ACOT6: variants seen among roughly 807,000 people sequenced by gnomAD.
ACOT6 encodes the protein acyl-CoA thioesterase 6, also known as acyl-coenzyme A thioesterase 6.
A neutral mutation model predicts 12.3 loss-of-function variants in ACOT6; 14 were observed. The observed-to-expected ratio is 1.14, with a 90% CI of 0.75 to 1.78. ACOT6 has a LOEUF of 1.78. ACOT6 is among the 40% of genes most tolerant of loss of function. The probability of loss-of-function intolerance (pLI) is 0.00; values close to 1 mark genes in which losing one functional copy is unlikely to be tolerated. For synonymous variants in ACOT6, 218 were observed against 231.3 expected, an observed-to-expected ratio of 0.94 and a Z score of 0.52; for missense variants, 523 against 551.8, an observed-to-expected ratio of 0.95 and a Z score of 0.52.
chr14:73,612,719 G>A lies in ACOT6; in HGVS notation c.148G>A (p.Ala50Thr). 1 of 1,382,952 alleles carries A rather than the reference G, an allele frequency of 7.2e-7. No individual in the cohort carries two copies. The allele number at this position is 1,382,952 out of a possible 1,614,324, so 85.7% of individuals were successfully genotyped here. The part of the protein sequence containing the change: ...DEEGALFRAH[A>T]RYRADARDEL... ...AGAGGGCGCGCTCTTCCGGGCCCAC[G>A]CGCGCTACCGTGCCGACGCCCGCGA... The change falls in exon 1 of 3, where the codon GCG becomes ACG. Residue 50 changes from alanine (A) to threonine (T), a missense_variant. This residue lies in a region of ACOT6 where 304 missense variants were observed against 274.8 expected (regional missense o/e 1.11). Transcript: ENST00000645972.
chr14:73,612,918 C>A lies in ACOT6; in HGVS notation c.347C>A (p.Pro116His). The A allele has an allele frequency of 7.4e-7, 1 of 1,354,086 alleles. No homozygotes were observed. The highest frequency in any genetic ancestry group is 1.5e-5 in the African/African-American group (1 of 65,746). 83.9% of individuals were successfully genotyped at this position (1,354,086 alleles called of 1,614,324 possible). Residue 116 changes from proline (P) to histidine (H), a missense_variant, in exon 1 of 3, where the codon CCC becomes CAC. Pro to His is a moderately conservative substitution (Grantham distance 77, BLOSUM62 -2). This residue lies in a region of ACOT6 where 304 missense variants were observed against 274.8 expected (regional missense o/e 1.11). Transcript: ENST00000645972. ...GTGCTGGACGGCCACGACACCGAGC[C>A]CGGGCGGCTGCTGTGCCTGGCGCAG... ...LEVLDGHDTE[P>H]GRLLCLAQNK... is the part of the protein sequence containing the mutation.
chr14:73,619,730 G>A lies in ACOT6; in HGVS notation c.1157G>A (p.Gly386Asp), dbSNP rs749929412. Residue 386 changes from glycine to aspartate, a missense_variant, in exon 3 of 3, where the codon GGT becomes GAT. This residue lies in a region of ACOT6 where 219 missense variants were observed against 277.0 expected (regional missense o/e 0.79). Transcript: ENST00000645972. ...TTGGGTGAGGCAATATTCTATGGAG[G>A]TGAGCCAAAGGCTCACTCAAAGGCA... is the stretch of plus-strand genomic sequence containing the variant. ...AVLGEAIFYGGEPKAHSKAQV... is the reference protein window; with the variant it reads ...AVLGEAIFYGDEPKAHSKAQV... 6.2e-7 allele frequency: 1 copy of A among 1,614,098 alleles called. No homozygotes were observed. The highest frequency in any genetic ancestry group is 1.7e-5 in the Admixed American group (1 of 60,016).
intron 1 of ACOT6, among the ~76,000 whole-genome samples, chr14:73,614,419 G>C (rs1417143433): frequency 1.3e-5 from 2 of 152,018 alleles, no homozygotes; most frequent in African/African-American, 2.4e-5. Context: ...AGAGGCTTTC[G>C]CAAGGATATA....
At chr14:73,618,297 C>T (rs1255293005) in intron 2 of ACOT6, among the ~76,000 whole-genome samples, 5 of 152,202 alleles carry the variant, frequency 3.3e-5, no homozygotes, top group Admixed American at 3.3e-4. Context: ...CCCACAACCC[C>T]TAGTGCTCTT....
chr14:73,616,738 G>A, intron 1 of ACOT6: 1 of 330,390 alleles, frequency 3.0e-6, no homozygotes, highest in Non-Finnish European at 5.4e-6. Flanking sequence ...TGTACAGGTG[G>A]TTTGGGGTTA....
rs953260403 is a variant in ACOT6, at chr14:73,612,974, C to G, written c.403C>G (p.Arg135Gly). Residue 135 changes from arginine to glycine, a missense_variant, in exon 1 of 3, where the codon CGG (arginine) becomes GGG (glycine). Arg to Gly is a moderately radical substitution (Grantham distance 125). This residue lies in a region of ACOT6 where 304 missense variants were observed against 274.8 expected (regional missense o/e 1.11). Transcript: ENST00000645972. ...GCGCGACTTTCTCCGGCCGGGGGTG[C>G]GGCGCGAGCCGGTGCGCGCGGGCCC... is the stretch of plus-strand genomic sequence containing the variant. ...NKRDFLRPGV[R>G]REPVRAGPVR... 1 of 1,146,616 alleles carries G rather than the reference C, an allele frequency of 8.7e-7. No individual in the cohort carries two copies. The highest frequency in any genetic ancestry group is 1.6e-5 in the African/African-American group (1 of 61,298). The allele number at this position is 1,146,616 out of a possible 1,614,324, so 71.0% of individuals were successfully genotyped here.
At chr14:73,615,172 G>T (rs1890512822) in intron 1 of ACOT6, among the ~76,000 whole-genome samples, 1 of 150,902 alleles carries the variant, frequency 6.6e-6, no homozygotes. Flanking sequence ...TGGATCACGA[G>T]GTCAGGAGTT....
rs9671262 is a variant in ACOT6, at chr14:73,615,125, C to T, written c.462-1869C>T. Among the ~76,000 whole-genome samples, 391 of 150,420 alleles carry T rather than the reference C, an allele frequency of 2.6e-3. 3 individuals are homozygous for T. Among genetic ancestry groups the T allele is most frequent in the African/African-American group, 8.4e-3 (345 of 40,842 alleles). On this transcript the variant is annotated intron_variant, in intron 1 of 2. Transcript: ENST00000645972. ...CAAGGCGGCCAGGCGCGGTGGCTCA[C>T]GCCTCTAATCCCGGCACTTTGGGAG...
rs1420800564 is a variant in ACOT6 at position 73,612,599 on chromosome 14, G to GCGGGCCGCTGCTGCTGGGA, written c.31_49dup (p.Glu17GlyfsTer144). 28 of 1,412,482 alleles carry GCGGGCCGCTGCTGCTGGGA rather than the reference G, an allele frequency of 2.0e-5. No homozygotes were observed. The South Asian group carries it at 3.1e-4, about 16-fold the overall frequency. 87.5% of individuals were successfully genotyped at this position (1,412,482 alleles called of 1,614,324 possible). ...GGCAGCGACGCTGATCCTGGAGCCC[G>GCGGGCCGCTGCTGCTGGGA]CGGGCCGCTGCTGCTGGGACGAGCC... On this transcript the variant is annotated frameshift_variant, in exon 1 of 3. Transcript: ENST00000645972. LOFTEE classifies it high-confidence loss of function.
chr14:73,613,025 C>A lies in ACOT6; in HGVS notation c.454C>A (p.Pro152Thr). The change falls in exon 1 of 3, where the codon CCG (proline) becomes ACG (threonine). Residue 152 changes from proline to threonine, a missense_variant. Pro to Thr is a conservative substitution (Grantham distance 38). Around this residue, in one of 2 missense-constraint regions of ACOT6, gnomAD observed 304 missense variants for 274.8 expected, o/e 1.11. Coordinates refer to ENST00000645972, the MANE Select transcript of ACOT6 (RefSeq NM_001365788.1). ...GGTGCGCGCCGCGCTCTTCCTGCCGCCGGATGAGTAGTCTGCCCAGAATTT... is the reference window on the plus strand; with the variant it reads ...GGTGCGCGCCGCGCTCTTCCTGCCGACGGATGAGTAGTCTGCCCAGAATTT... ...GPVRAALFLPPDEGPFPGIID... is the reference protein window; with the variant it reads ...GPVRAALFLPTDEGPFPGIID... 1 of 844,256 alleles carries A rather than the reference C, an allele frequency of 1.2e-6. No individual in the cohort carries two copies. Among genetic ancestry groups the A allele is most frequent in the Non-Finnish European group, 1.7e-6 (1 of 590,164 alleles). The allele number at this position is 844,256 out of a possible 1,614,324, so 52.3% of individuals were successfully genotyped here. A position where few individuals can be genotyped will look rare whatever the true frequency, so the allele number is the denominator to read the frequency against.
At chr14:73,614,320 T>C (rs140507768) in intron 1 of ACOT6, among the ~76,000 whole-genome samples, 75 of 152,330 alleles carry the variant, frequency 4.9e-4, no homozygotes, top group African/African-American at 1.7e-3. Context: ...TCTTCAGCAA[T>C]TCTTAGCCTT....
At chr14:73,617,230 G>T in intron 2 of ACOT6, 38 bp downstream of exon 2, 1 of 1,613,872 alleles carries the variant, frequency 6.2e-7, no homozygotes, top group African/African-American at 1.3e-5. Flanking sequence ...GAAGAGAGGG[G>T]ATAGAGCTGA....
rs34563327 is a variant in ACOT6, at chr14:73,615,088, C to CAA, written c.462-1896_462-1895dup. 2.2e-3 allele frequency among the ~76,000 whole-genome samples: 317 copies of CAA among 141,442 alleles called. 2 individuals carry two copies. Among genetic ancestry groups the CAA allele is most frequent in the South Asian group, 7.9e-3 (35 of 4,452 alleles). 92.8% of individuals were successfully genotyped at this position (141,442 alleles called of 152,430 possible). The stretch of plus-strand genomic sequence containing the variant: ...TGGAGGACAGAGCAAGACTCCATCT[C>CAA]AAAAAAAAAAACAAGGCGGCCAGGC... On this transcript the variant is annotated intron_variant, in intron 1 of 2. Coordinates refer to ENST00000645972, the MANE Select transcript of ACOT6 (RefSeq NM_001365788.1).
In ACOT6 at chr14:73,619,800, T is replaced by G. The variant is rs1468857668; in HGVS notation, c.1227T>G (p.His409Gln). Residue 409 changes from histidine to glutamine, a missense_variant, in exon 3 of 3, where the codon CAT becomes CAG. His to Gln is a conservative substitution (Grantham distance 24, BLOSUM62 0). Transcript: ENST00000645972. ...WQQIQTFFHK[H>Q]LNGKKSVKHS... ...AAATTCAAACTTTCTTCCATAAACA[T>G]CTCAATGGTAAAAAATCTGTCAAGC... The G allele has an allele frequency of 6.2e-7, 1 of 1,609,420 alleles. No homozygotes were observed. The highest frequency in any genetic ancestry group is 8.5e-7 in the Non-Finnish European group (1 of 1,178,686).
At position 73,619,317 on chromosome 14, in the gene ACOT6, C is replaced by T. The variant is rs1035362048; in HGVS notation, c.744C>T (p.Ile248=). The T allele has an allele frequency of 6.2e-6, 10 of 1,613,632 alleles. No homozygotes were observed. The African/African-American group carries it at 1.1e-4, about 17-fold the overall frequency. Residue 248 remains isoleucine, a synonymous_variant, in exon 3 of 3, where the codon ATC becomes ATT. Coordinates refer to ENST00000645972, the MANE Select transcript of ACOT6 (RefSeq NM_001365788.1). The part of the protein sequence containing the change: ...CLSMASFLKG[I]TATVLINACV... ...CAATGGCTTCTTTCTTGAAGGGCATCACAGCCACTGTACTTATCAATGCCT... is the reference window on the plus strand; with the variant it reads ...CAATGGCTTCTTTCTTGAAGGGCATTACAGCCACTGTACTTATCAATGCCT...
In ACOT6 at chr14:73,619,274, G is replaced by A; in HGVS notation, c.701G>A (p.Gly234Glu). 1 of 1,605,670 alleles carries A rather than the reference G, an allele frequency of 6.2e-7. No homozygotes were observed. Among genetic ancestry groups the A allele is most frequent in the Admixed American group, 1.7e-5 (1 of 57,746 alleles). ...PSIALLGFSK[G>E]GDLCLSMASF... is the part of the protein sequence containing the mutation. ...ATTGCGCTTCTTGGATTTTCCAAAG[G>A]AGGTGACCTGTGTCTCTCAATGGCT... Residue 234 changes from glycine (G) to glutamate (E), a missense_variant, in exon 3 of 3, where the codon GGA becomes GAA. Coordinates refer to ENST00000645972, the MANE Select transcript of ACOT6 (RefSeq NM_001365788.1).
intron 2 of ACOT6, among the ~76,000 whole-genome samples, chr14:73,618,999 G>A (rs947549699): frequency 6.6e-6 from 1 of 152,052 alleles, no homozygotes; most frequent in Non-Finnish European, 1.5e-5. Flanking sequence ...GCGTGGTGGT[G>A]GGCGCCTGTA....
chr14:73,617,202 G>C lies in ACOT6; in HGVS notation c.660+10G>C. ...GCTGCAGCATCCAAAGGTGCGTTCT[G>C]GTGATCACCTGAGTGCAGAAGAGAG... is the stretch of plus-strand genomic sequence containing the variant. On this transcript the variant is annotated intron_variant, in intron 2 of 2. Transcript: ENST00000645972. The C allele has an allele frequency of 6.2e-7, 1 of 1,614,188 alleles. No individual in the cohort carries two copies. Among genetic ancestry groups the C allele is most frequent in the Non-Finnish European group, 8.5e-7 (1 of 1,180,042 alleles).
chr14:73,614,140 G>A (rs1363843183), intron 1 of ACOT6, among the ~76,000 whole-genome samples: 1 of 151,752 alleles, frequency 6.6e-6, no homozygotes, highest in East Asian at 1.9e-4. Flanking sequence ...AGTAGAGGTT[G>A]CAGTGAGCTG....
Sources: gnomAD v4.1 joint callset for allele counts (sites outside exome capture counted in the v4.1 genomes callset) on GRCh38, gnomAD v4.1.1 for gene constraint, gnomAD v4.1.1 regional missense constraint, MANE v1.5 for transcripts, NCBI Gene and HGNC (gene_info 2026-07-23, HGNC 2026-07-21) for gene names.